PFKFB3: variants seen among roughly 807,000 people sequenced by gnomAD.
The protein encoded by PFKFB3 is 6-phosphofructo-2-kinase/fructose-2,6-biphosphatase 3.
Under a neutral mutation model 68.0 loss-of-function variants are expected in PFKFB3, and 33 were observed. The ratio of observed to expected loss-of-function variants is 0.49; its 90% confidence interval spans 0.37 to 0.65. The LOEUF (loss-of-function observed/expected upper bound fraction) is 0.65. Ranked by LOEUF, PFKFB3 falls within the 30% of genes least tolerant of loss-of-function variation. The pLI, the probability that PFKFB3 is intolerant of heterozygous loss-of-function variation, is 0.00. For missense variants in PFKFB3, 586 were observed against 712.2 expected (o/e 0.82, Z 2.02); for synonymous variants, 315 against 288.2 (o/e 1.09, Z -0.94).
chr10:6,182,430 G>T (rs1053740500), intron 1 of PFKFB3, among the ~76,000 whole-genome samples: 9 of 152,140 alleles, frequency 5.9e-5, no homozygotes, highest in African/African-American at 2.2e-4. Context: ...GGAAGGAAGC[G>T]GTCCTGGTGC....
At chr10:6,204,880 C>G (rs879493443) in intron 1 of PFKFB3, among the ~76,000 whole-genome samples, 3 of 152,214 alleles carry the variant, frequency 2.0e-5, no homozygotes, top group Admixed American at 2.0e-4. Flanking sequence ...TGATTGTATA[C>G]GAATGCCCAC....
the PFKFB3 span, among the ~76,000 whole-genome samples, chr10:6,300,254 T>C: frequency 6.6e-6 from 1 of 152,126 alleles, no homozygotes; most frequent in African/African-American, 2.4e-5. Flanking sequence ...CAATGAACCT[T>C]CCTGCCTTTG....
chr10:6,288,975 T>C, the PFKFB3 span, among the ~76,000 whole-genome samples: 1 of 151,794 alleles, frequency 6.6e-6, no homozygotes, highest in South Asian at 2.1e-4. Context: ...CATTTTTTCA[T>C]GTGTTTTTTG....
the PFKFB3 span, among the ~76,000 whole-genome samples, chr10:6,306,711 A>G: frequency 1.3e-5 from 2 of 152,176 alleles, no homozygotes; most frequent in Non-Finnish European, 2.9e-5. Context: ...GACTTCCCCC[A>G]TGGAAGGCCG....
downstream of PFKFB3, among the ~76,000 whole-genome samples, chr10:6,239,620 A>G (rs1846096209): frequency 6.6e-6 from 1 of 151,984 alleles, no homozygotes; most frequent in African/African-American, 2.4e-5. Flanking sequence ...TTCCCTCCCT[A>G]CCTCTTCCAG....
chr10:6,151,598 CG>C (rs1841588556), intron 1 of PFKFB3, among the ~76,000 whole-genome samples: 1 of 152,032 alleles, frequency 6.6e-6, no homozygotes, highest in South Asian at 2.1e-4. Context: ...TGACCCCTGG[CG>C]ATCAGATTCT....
rs144917393 is a variant in PFKFB3 at position 6,153,954 on chromosome 10, G to T, written c.16+8941G>T. Among the ~76,000 whole-genome samples the T allele has an allele frequency of 4.7e-3, 723 of 152,276 alleles. 1 individual carries two copies. Among genetic ancestry groups the T allele is most frequent in the Non-Finnish European group, 7.4e-3 (505 of 68,022 alleles). ...GGGGACATTTGGACCAAGACTGAGG[G>T]GAGTGAGACAGCCTGAGGGGAGTGA... On this transcript the variant is annotated intron_variant, in intron 1 of 14. Transcript: ENST00000379789.
the PFKFB3 span, among the ~76,000 whole-genome samples, chr10:6,300,570 C>A: frequency 6.6e-6 from 1 of 152,150 alleles, no homozygotes; most frequent in Non-Finnish European, 1.5e-5. Context: ...TCTCCTGGGG[C>A]CAGAACTGCT....
At chr10:6,309,674 A>G in the PFKFB3 span, among the ~76,000 whole-genome samples, 29 of 152,020 alleles carry the variant, frequency 1.9e-4, no homozygotes, top group Admixed American at 1.3e-4. Context: ...ATTTTTTTAA[A>G]GAATAACTTT....
exon 1 of PFKFB3, chr10:6,144,963 C>G (rs907439986): frequency 2.4e-6 from 3 of 1,273,332 alleles, no homozygotes; most frequent in Non-Finnish European, 3.0e-6. Flanking sequence ...GTCTGGGTGT[C>G]GCGGGCCGGC....
At chr10:6,148,186 T>C (rs1281141843) in intron 1 of PFKFB3, among the ~76,000 whole-genome samples, 1 of 152,170 alleles carries the variant, frequency 6.6e-6, no homozygotes, top group Non-Finnish European at 1.5e-5. Flanking sequence ...GAAGTCCAAA[T>C]GTAGAGCAGT....
At chr10:6,310,017 C>T in the PFKFB3 span, among the ~76,000 whole-genome samples, 2 of 152,118 alleles carry the variant, frequency 1.3e-5, no homozygotes, top group South Asian at 2.1e-4. Context: ...TAGCTGTTTT[C>T]GCATAAATCA....
intron 1 of PFKFB3, among the ~76,000 whole-genome samples, chr10:6,172,022 C>T (rs1256561344): frequency 1.3e-5 from 2 of 152,202 alleles, no homozygotes; most frequent in Non-Finnish European, 2.9e-5. Flanking sequence ...CCGCCGTACT[C>T]CATTGAGAGT....
chr10:6,227,038 A>G (rs373320708), intron 14 of PFKFB3, among the ~76,000 whole-genome samples: 6 of 151,938 alleles, frequency 3.9e-5, no homozygotes, highest in South Asian at 2.1e-4. Context: ...GTGAGCCGAG[A>G]TGGTGCCACT....
chr10:6,268,340 C>T, the PFKFB3 span, among the ~76,000 whole-genome samples: 4 of 152,030 alleles, frequency 2.6e-5, no homozygotes, highest in Non-Finnish European at 1.5e-5. Context: ...TTTGGGGGTG[C>T]TTTTCTATAC....
At chr10:6,170,247 C>T (rs1842266398) in intron 1 of PFKFB3, among the ~76,000 whole-genome samples, 1 of 152,196 alleles carries the variant, frequency 6.6e-6, no homozygotes. Context: ...CATAGCTTGA[C>T]TAGTCACTTT....
At chr10:6,286,616 G>A in the PFKFB3 span, among the ~76,000 whole-genome samples, 5 of 152,272 alleles carry the variant, frequency 3.3e-5, no homozygotes, top group African/African-American at 1.2e-4. Flanking sequence ...GACCTCACAT[G>A]ATCTGCCCAA....
the PFKFB3 span, among the ~76,000 whole-genome samples, chr10:6,267,476 C>T: frequency 0.027 from 4,110 of 152,220 alleles, 190 homozygotes; most frequent in African/African-American, 0.094. Context: ...CTTAGAACGT[C>T]ATTGCCTTCT....
In PFKFB3 at chr10:6,202,967, G is replaced by C. The variant is rs920150382; in HGVS notation, c.-294G>C. The C allele has an allele frequency of 7.8e-7, 1 of 1,288,870 alleles. No homozygotes were observed. The highest frequency in any genetic ancestry group is 1.9e-5 in the South Asian group (1 of 52,626). The allele number at this position is 1,288,870 out of a possible 1,614,324, so 79.8% of individuals were successfully genotyped here. A position where few individuals can be genotyped will look rare whatever the true frequency, so the allele number is the denominator to read the frequency against. ...GAGAGGAGGCGAGCAGCAGGGCCTGGTGGCGAGAGCGCGGCTGTCACTGCG... is the reference window on the plus strand; with the variant it reads ...GAGAGGAGGCGAGCAGCAGGGCCTGCTGGCGAGAGCGCGGCTGTCACTGCG... On this transcript the variant is annotated 5_prime_UTR_variant, in exon 1 of 15. Coordinates refer to ENST00000379775, the MANE Select transcript of PFKFB3 (RefSeq NM_004566.4).
Sources: gnomAD v4.1 joint callset for allele counts (sites outside exome capture counted in the v4.1 genomes callset) on GRCh38, gnomAD v4.1.1 for gene constraint, MANE v1.5 for transcripts, NCBI Gene and HGNC (gene_info 2026-07-23, HGNC 2026-07-21) for gene names.